EFCAB13: variants seen among roughly 807,000 people sequenced by gnomAD.
EFCAB13 encodes the protein EF-hand calcium binding domain 13.
In EFCAB13, 91 loss-of-function variants were observed where a neutral mutation model predicts 110.2. That is an observed-to-expected ratio of 0.83 (90% confidence interval 0.70 to 0.98). The LOEUF is 0.98. EFCAB13 is among the 50% of genes least tolerant of loss of function. EFCAB13 has a pLI of 0.00. For synonymous variants in EFCAB13, 323 were observed against 369.9 expected (o/e 0.87, Z 1.45); for missense variants, 968 against 1,119.4 (o/e 0.86, Z 1.93).
At chr17:47,387,674 T>C (rs967045240) in intron 14 of EFCAB13, among the ~76,000 whole-genome samples, 1 of 152,232 alleles carries the variant, frequency 6.6e-6, no homozygotes, top group African/African-American at 2.4e-5. Context: ...AGTTCTTTAC[T>C]CTGTCCATCT....
At chr17:47,422,810 A>G (rs1904768457) in intron 23 of EFCAB13, among the ~76,000 whole-genome samples, 1 of 152,224 alleles carries the variant, frequency 6.6e-6, no homozygotes, top group Non-Finnish European at 1.5e-5. Context: ...GTTCTCACCA[A>G]TTTGAGCTAT....
Position 47,440,747 on chromosome 17 carries a change from A to G in EFCAB13, c.*33A>G. 1 of 1,474,790 alleles carries G rather than the reference A, an allele frequency of 6.8e-7. No homozygotes were observed. Among genetic ancestry groups the G allele is most frequent in the South Asian group, 1.4e-5 (1 of 70,212 alleles). 91.4% of individuals were successfully genotyped at this position (1,474,790 alleles called of 1,614,324 possible). On this transcript the variant is annotated 3_prime_UTR_variant, in exon 25 of 25. Coordinates refer to ENST00000331493, the MANE Select transcript of EFCAB13 (RefSeq NM_152347.5). ...TACTTGATAGTGCTAGAAAATTACTAGATTATATATTATTCAGTATGCATA... is the reference window on the plus strand; with the variant it reads ...TACTTGATAGTGCTAGAAAATTACTGGATTATATATTATTCAGTATGCATA...
At chr17:47,326,086 A>G (rs2065284715) in intron 2 of EFCAB13, 140 bp from the exon 3 acceptor site, 2 of 151,728 alleles carry the variant, frequency 1.3e-5, no homozygotes, top group African/African-American at 2.4e-5. Flanking sequence ...ATGACTGGAG[A>G]AAAGGGATAC....
chr17:47,417,543 C>T (rs59769748), intron 23 of EFCAB13, among the ~76,000 whole-genome samples: 13,387 of 152,206 alleles, frequency 0.088, 847 homozygotes, highest in East Asian at 0.35. Context: ...TTCTTCTATG[C>T]CTTCTTCCTT....
chr17:47,404,541 A>G (rs1567800878), intron 19 of EFCAB13, 21 bp from the exon 20 acceptor site: 1 of 1,602,526 alleles, frequency 6.2e-7, no homozygotes, highest in Non-Finnish European at 8.5e-7. Flanking sequence ...CTTGTTTGTC[A>G]TCTCTCTCTT....
chr17:47,338,973 A>G (rs2065368076), intron 5 of EFCAB13, among the ~76,000 whole-genome samples: 1 of 152,100 alleles, frequency 6.6e-6, no homozygotes, highest in Non-Finnish European at 1.5e-5. Flanking sequence ...CAATAAATAT[A>G]TATAATTTTG....
intron 9 of EFCAB13, among the ~76,000 whole-genome samples, chr17:47,356,497 G>T (rs1229884124): frequency 6.6e-6 from 1 of 152,140 alleles, no homozygotes; most frequent in African/African-American, 2.4e-5. Flanking sequence ...TTCTCTTTTG[G>T]ATCTAGCCAC....
chr17:47,332,823 C>T (rs138758227), intron 4 of EFCAB13, among the ~76,000 whole-genome samples: 1 of 152,240 alleles, frequency 6.6e-6, no homozygotes, highest in East Asian at 1.9e-4. Context: ...TGTTGATGGA[C>T]ACTTAGGTTA....
chr17:47,405,817 A>T (rs898349943), intron 20 of EFCAB13, among the ~76,000 whole-genome samples: 1 of 151,702 alleles, frequency 6.6e-6, no homozygotes, highest in African/African-American at 2.4e-5. Flanking sequence ...TTTAAAAATT[A>T]ATTTCTGATT....
In EFCAB13 at chr17:47,414,911, A is replaced by G; in HGVS notation, c.2486A>G (p.Lys829Arg). The change falls in exon 23 of 25, where the codon AAG becomes AGG. Residue 829 changes from lysine (K) to arginine (R), a missense_variant. Coordinates refer to ENST00000331493, the MANE Select transcript of EFCAB13 (RefSeq NM_152347.5). Reference sequence around the variant, plus strand: ...ATGAAAGAAAGTCCACATTTCCAAAAGTCCAAGGGTAAGTGAATACTTCTT... The same window carrying G: ...ATGAAAGAAAGTCCACATTTCCAAAGGTCCAAGGGTAAGTGAATACTTCTT... The part of the protein sequence containing the change: ...MKMKESPHFQ[K>R]SKATQILLAT... 1 of 1,596,830 alleles carries G rather than the reference A, an allele frequency of 6.3e-7. No individual in the cohort carries two copies. Among genetic ancestry groups the G allele is most frequent in the Non-Finnish European group, 8.6e-7 (1 of 1,166,132 alleles).
At chr17:47,368,114 C>A (rs985604383) in intron 10 of EFCAB13, among the ~76,000 whole-genome samples, 4 of 152,114 alleles carry the variant, frequency 2.6e-5, no homozygotes, top group African/African-American at 9.7e-5. Flanking sequence ...CAAAGGAGTT[C>A]TTCACCAAGC....
At chr17:47,407,987 G>A (rs1284317716) in intron 20 of EFCAB13, among the ~76,000 whole-genome samples, 1 of 152,110 alleles carries the variant, frequency 6.6e-6, no homozygotes, top group Non-Finnish European at 1.5e-5. Context: ...AGTCATTACA[G>A]TATCAAATTT....
intron 10 of EFCAB13, among the ~76,000 whole-genome samples, chr17:47,361,900 T>A (rs1330323927): frequency 6.6e-6 from 1 of 152,186 alleles, no homozygotes; most frequent in African/African-American, 2.4e-5. Flanking sequence ...TATGTAGCTT[T>A]GATTAAACAA....
At chr17:47,355,296 C>G (rs1288337700) in intron 9 of EFCAB13, among the ~76,000 whole-genome samples, 3 of 152,174 alleles carry the variant, frequency 2.0e-5, no homozygotes, top group Non-Finnish European at 4.4e-5. Flanking sequence ...GCTTTTGCCA[C>G]ACAGCTCTTA....
intron 23 of EFCAB13, among the ~76,000 whole-genome samples, chr17:47,415,214 A>C (rs1336494305): frequency 6.6e-6 from 1 of 152,034 alleles, no homozygotes; most frequent in Non-Finnish European, 1.5e-5. Flanking sequence ...AGGAAGGGGA[A>C]CATCACACTC....
chr17:47,335,975 T>A (rs12051664), intron 5 of EFCAB13, among the ~76,000 whole-genome samples: 1 of 152,312 alleles, frequency 6.6e-6, no homozygotes, highest in South Asian at 2.1e-4. Context: ...ATAAGTAAGC[T>A]ATAAGCTAAC....
chr17:47,391,666 T>A (rs1446809381), intron 15 of EFCAB13, 86 bp downstream of exon 15: 3 of 1,089,612 alleles, frequency 2.8e-6, no homozygotes, highest in Non-Finnish European at 3.7e-6. Flanking sequence ...AAATGACTAA[T>A]TTTTTTATTA....
chr17:47,366,874 G>A (rs2065549552), intron 10 of EFCAB13, among the ~76,000 whole-genome samples: 1 of 152,194 alleles, frequency 6.6e-6, no homozygotes, highest in Non-Finnish European at 1.5e-5. Flanking sequence ...CTTATTAGTT[G>A]ACATTGGACT....
At chr17:47,430,172 T>C (rs1013471918) in intron 24 of EFCAB13, 1 of 1,170,646 alleles carries the variant, frequency 8.5e-7, no homozygotes. Flanking sequence ...TATCCCTGTG[T>C]GAGTCCACTG....
Sources: gnomAD v4.1 joint callset for allele counts (sites outside exome capture counted in the v4.1 genomes callset) on GRCh38, gnomAD v4.1.1 for gene constraint, MANE v1.5 for transcripts, NCBI Gene and HGNC (gene_info 2026-07-23, HGNC 2026-07-21) for gene names.